SOX6: variants seen among roughly 807,000 people sequenced by gnomAD.
The protein encoded by SOX6 is SRY-box transcription factor 6, also known as transcription factor SOX-6.
SOX6 carries 11 observed loss-of-function variants against 97.8 expected under a neutral mutation model. The ratio of observed to expected loss-of-function variants is 0.11; its 90% CI spans 0.07 to 0.19. The LOEUF (loss-of-function observed/expected upper bound fraction) is 0.19. SOX6 is among the 10% of genes least tolerant of loss of function. SOX6 has a pLI of 1.00. For synonymous variants in SOX6, 360 were observed against 371.4 expected (o/e 0.97, Z 0.35); for missense variants, 810 against 1,039.5 (o/e 0.78, Z 3.04).
chr11:16,026,263 G>A (rs915914857), intron 12 of SOX6, among the ~76,000 whole-genome samples: 4 of 152,014 alleles, frequency 2.6e-5, no homozygotes, highest in African/African-American at 9.7e-5. Context: ...AAATTCTGAG[G>A]AATTATTCAT....
intron 3 of SOX6, among the ~76,000 whole-genome samples, chr11:16,299,990 G>A (rs1221795995): frequency 2.6e-5 from 4 of 152,044 alleles, no homozygotes; most frequent in East Asian, 1.9e-4. Context: ...TAATTAGCAC[G>A]GCTGAGGAAT....
intron 1 of SOX6, among the ~76,000 whole-genome samples, chr11:16,374,940 T>A (rs297333): frequency 0.68 from 103,712 of 151,798 alleles, 35,631 homozygotes; most frequent in Non-Finnish European, 0.72. Flanking sequence ...ATATTTTCTA[T>A]CACTGTTTTA....
chr11:16,452,279 T>G (rs1859732830), intron 1 of SOX6, among the ~76,000 whole-genome samples: 1 of 152,158 alleles, frequency 6.6e-6, no homozygotes, highest in South Asian at 2.1e-4. Flanking sequence ...CACATATGAG[T>G]TGGGCTTAGG....
chr11:16,506,606 G>A (rs1273708510), intron 4 of SOX6, among the ~76,000 whole-genome samples: 2 of 152,168 alleles, frequency 1.3e-5, no homozygotes, highest in Non-Finnish European at 2.9e-5. Flanking sequence ...AGGGGCCAAG[G>A]GCAGGATGAT....
chr11:16,463,643 C>A (rs917796487), intron 1 of SOX6, among the ~76,000 whole-genome samples: 2 of 152,202 alleles, frequency 1.3e-5, no homozygotes, highest in African/African-American at 4.8e-5. Context: ...AGACCCTCGA[C>A]TGTCTATTCT....
At chr11:16,242,783 T>G (rs1853232701) in intron 3 of SOX6, among the ~76,000 whole-genome samples, 2 of 151,980 alleles carry the variant, frequency 1.3e-5, no homozygotes, top group African/African-American at 4.8e-5. Flanking sequence ...ACTGATAAAA[T>G]ATCCATTTTT....
chr11:16,700,017 A>G (rs1033976885), intron 3 of SOX6, among the ~76,000 whole-genome samples: 5 of 152,134 alleles, frequency 3.3e-5, no homozygotes, highest in African/African-American at 9.6e-5. Context: ...GTGGGAAGCC[A>G]TTTGTTAAAT....
chr11:16,235,407 C>A (rs2134177146), intron 3 of SOX6, among the ~76,000 whole-genome samples: 2 of 152,144 alleles, frequency 1.3e-5, no homozygotes, highest in South Asian at 4.1e-4. Flanking sequence ...TTTAGAATGT[C>A]TTGATAATTA....
At chr11:16,122,720 A>G (rs988343359) in intron 6 of SOX6, among the ~76,000 whole-genome samples, 1 of 152,072 alleles carries the variant, frequency 6.6e-6, no homozygotes, top group Non-Finnish European at 1.5e-5. Flanking sequence ...CTTAAAGGCA[A>G]GGACTTTCTA....
chr11:16,282,341 A>C (rs1179958186), intron 3 of SOX6, among the ~76,000 whole-genome samples: 3 of 151,522 alleles, frequency 2.0e-5, no homozygotes, highest in Non-Finnish European at 3.0e-5. Context: ...AGAAATACAG[A>C]TATTCATTTA....
intron 1 of SOX6, among the ~76,000 whole-genome samples, chr11:16,469,090 T>G (rs978714840): frequency 2.7e-5 from 4 of 148,030 alleles, no homozygotes; most frequent in African/African-American, 1.0e-4. Flanking sequence ...AAAAAAAAAG[T>G]AATAAAGTGT....
intron 3 of SOX6, among the ~76,000 whole-genome samples, chr11:16,636,691 T>C (rs1414904972): frequency 6.6e-6 from 1 of 152,170 alleles, no homozygotes; most frequent in Admixed American, 6.5e-5. Context: ...AATCCCCATT[T>C]GTTGTGGGAG....
chr11:16,424,833 T>A (rs1188609464), intron 1 of SOX6, among the ~76,000 whole-genome samples: 2 of 152,214 alleles, frequency 1.3e-5, no homozygotes, highest in African/African-American at 4.8e-5. Flanking sequence ...GGGGACAAAT[T>A]ATCTGAAAGT....
At chr11:16,483,992 G>C (rs1204601158) in intron 4 of SOX6, 2 of 844,120 alleles carry the variant, frequency 2.4e-6, no homozygotes, top group Non-Finnish European at 4.1e-6. Flanking sequence ...TTGATCCTGG[G>C]ATCCTCCAGG....
intron 6 of SOX6, among the ~76,000 whole-genome samples, chr11:16,132,480 G>GC (rs1564972757): frequency 3.4e-5 from 5 of 145,604 alleles, no homozygotes; most frequent in African/African-American, 1.3e-4. Context: ...AAGAAAGAAA[G>GC]AAAGAAAGAA....
intron 6 of SOX6, among the ~76,000 whole-genome samples, chr11:16,117,288 G>A (rs1849373074): frequency 6.6e-6 from 1 of 152,116 alleles, no homozygotes; most frequent in African/African-American, 2.4e-5. Flanking sequence ...AGGAGGCAGA[G>A]GTTGCAGTGA....
chr11:16,096,585 C>A (rs910992663), intron 8 of SOX6, among the ~76,000 whole-genome samples: 9 of 151,726 alleles, frequency 5.9e-5, no homozygotes, highest in Non-Finnish European at 1.2e-4. Context: ...TGCAGAAATT[C>A]TTTATTTGCA....
At chr11:16,328,716 AC>A (rs1156878741) in intron 2 of SOX6, among the ~76,000 whole-genome samples, 9 of 152,236 alleles carry the variant, frequency 5.9e-5, no homozygotes, top group Admixed American at 3.9e-4. Flanking sequence ...TATATAAGAC[AC>A]CTTCTACTAT....
chr11:16,560,259 T>C (rs1847793511), intron 4 of SOX6, among the ~76,000 whole-genome samples: 1 of 152,180 alleles, frequency 6.6e-6, no homozygotes. Context: ...CATGCCTTAA[T>C]GACCTCTACA....
Sources: allele counts gnomAD v4.1 joint callset (sites outside exome capture counted in the v4.1 genomes callset), GRCh38; gene constraint gnomAD v4.1.1; transcripts MANE v1.5; gene names NCBI Gene and HGNC (gene_info 2026-07-23, HGNC 2026-07-21).